Variants in SORD observed in about 807,000 individuals in gnomAD.
The protein encoded by SORD is sorbitol dehydrogenase.
In SORD, 18 loss-of-function variants were observed where a neutral mutation model predicts 35.6. That is an observed-to-expected ratio of 0.51 (90% CI 0.35 to 0.75). The LOEUF is 0.75. SORD is among the 30% of genes least tolerant of loss of function. The pLI, the probability that SORD is intolerant of heterozygous loss-of-function variation, is 0.01. For missense variants in SORD, 250 were observed against 390.2 expected (o/e 0.64, Z 3.03); for synonymous variants, 106 against 152.9 (o/e 0.69, Z 2.26).
intron 4 of SORD, among the ~76,000 whole-genome samples, chr15:45,064,235 G>A (rs77475259): frequency 0.021 from 3,231 of 152,116 alleles, 60 homozygotes; most frequent in African/African-American, 0.053. Context: ...GAGCTGATAT[G>A]GGACAGGCAG....
intron 8 of SORD, among the ~76,000 whole-genome samples, chr15:45,073,040 C>T (rs1418064558): frequency 1.5e-5 from 2 of 134,208 alleles, no homozygotes; most frequent in African/African-American, 3.8e-5. Context: ...TGGATTGTCC[C>T]GGGCTGCCTC....
chr15:45,029,138 G>A (rs78290886), intron 1 of SORD, among the ~76,000 whole-genome samples: 31,200 of 150,774 alleles, frequency 0.21, no homozygotes, highest in African/African-American at 0.44. Context: ...GCAGTAAGTA[G>A]CCCAAAGAAC....
chr15:45,059,391 A>G (rs774997385), intron 3 of SORD, among the ~76,000 whole-genome samples: 14 of 152,158 alleles, frequency 9.2e-5, no homozygotes, highest in Non-Finnish European at 1.8e-4. Flanking sequence ...AAAACCAGCA[A>G]TGAGAAAACT....
chr15:45,061,240 G>A lies in SORD; in HGVS notation c.425+14G>A, dbSNP rs1893300921. ...CTTTTGTTACAAGTTAGTGTCCACA[G>A]TCCCACTGGGTCACCTGGGACCTCT... On this transcript the variant is annotated intron_variant, in intron 4 of 8. Transcript: ENST00000267814. 2 of 1,613,590 alleles carry A rather than the reference G, an allele frequency of 1.2e-6. No individual in the cohort carries two copies. Among genetic ancestry groups the A allele is most frequent in the Non-Finnish European group, 8.5e-7 (1 of 1,179,666 alleles).
At chr15:45,040,591 A>T (rs36087922) in intron 2 of SORD, 150 bp downstream of exon 2, 23 of 660,102 alleles carry the variant, frequency 3.5e-5, no homozygotes, top group Non-Finnish European at 6.3e-5. Context: ...CTGAGAACAG[A>T]GTCTACTGCC....
intron 3 of SORD, among the ~76,000 whole-genome samples, chr15:45,049,128 C>G (rs1378449028): frequency 6.6e-6 from 1 of 152,206 alleles, no homozygotes; most frequent in Admixed American, 6.5e-5. Flanking sequence ...TTTGGCCTTG[C>G]TTCCTTATCT....
At position 45,071,598 on chromosome 15, in the gene SORD, C is replaced by G. The variant is rs532305307; in HGVS notation, c.787-719C>G. On this transcript the variant is annotated intron_variant, in intron 7 of 8. Coordinates refer to ENST00000267814, the MANE Select transcript of SORD (RefSeq NM_003104.6). ...AATCAGCATGATTGAATTATCCATT[C>G]TTCTGTCTCTCACCGCACTGAGCAC... is the stretch of plus-strand genomic sequence containing the variant. Among the ~76,000 whole-genome samples, 279 of 152,084 alleles carry G rather than the reference C, an allele frequency of 1.8e-3. 1 individual carries two copies. The highest frequency in any genetic ancestry group is 4.0e-3 in the African/African-American group (167 of 41,432).
At chr15:45,070,090 C>T (rs1165770319) in intron 7 of SORD, 1 of 152,120 alleles carries the variant, frequency 6.6e-6, no homozygotes, top group African/African-American at 2.4e-5. Flanking sequence ...GCCCTGAAAA[C>T]CAGTTACCAT....
At chr15:45,027,761 A>G (rs2600895) in intron 1 of SORD, among the ~76,000 whole-genome samples, 30,432 of 150,326 alleles carry the variant, frequency 0.2, 11 homozygotes, top group African/African-American at 0.43. Context: ...AAGTTAGAAT[A>G]TAAAATAGTC....
intron 3 of SORD, among the ~76,000 whole-genome samples, chr15:45,048,675 A>G (rs1488108788): frequency 2.6e-5 from 4 of 152,228 alleles, no homozygotes; most frequent in Admixed American, 6.5e-5. Context: ...GGTGTTATCC[A>G]GAGTTCTTTG....
intron 1 of SORD, among the ~76,000 whole-genome samples, chr15:45,035,968 C>T (rs1346024722): frequency 6.7e-6 from 1 of 148,224 alleles, no homozygotes; most frequent in South Asian, 2.1e-4. Context: ...GTAACACTCA[C>T]GGCGAAGGTC....
intron 5 of SORD, among the ~76,000 whole-genome samples, chr15:45,067,268 G>A (rs753389570): frequency 2.2e-4 from 34 of 152,150 alleles, no homozygotes; most frequent in Admixed American, 5.2e-4. Flanking sequence ...AGGCTGAGGT[G>A]AGAGAATTGC....
chr15:45,071,291 G>C (rs1306156157), intron 7 of SORD, among the ~76,000 whole-genome samples: 1 of 152,204 alleles, frequency 6.6e-6, no homozygotes, highest in Non-Finnish European at 1.5e-5. Flanking sequence ...TGATGAGGAA[G>C]TAGTTTCCCT....
intron 1 of SORD, among the ~76,000 whole-genome samples, chr15:45,036,832 G>T (rs1280847186): frequency 2.0e-5 from 3 of 152,186 alleles, no homozygotes; most frequent in Admixed American, 6.5e-5. Context: ...GAAAGTTCAG[G>T]ATCTCAGAGA....
At chr15:45,068,061 C>A in intron 5 of SORD, 120 bp from the exon 6 acceptor site, 2 of 762,592 alleles carry the variant, frequency 2.6e-6, no homozygotes, top group Non-Finnish European at 4.8e-6. Flanking sequence ...CTTATCATGC[C>A]AGGCACTGGG....
At chr15:45,052,516 G>T (rs1893141361) in intron 3 of SORD, among the ~76,000 whole-genome samples, 1 of 152,156 alleles carries the variant, frequency 6.6e-6, no homozygotes, top group Non-Finnish European at 1.5e-5. Flanking sequence ...CATTTCACTA[G>T]GTGGCATGGT....
At chr15:45,069,410 C>A (rs1229517638) in intron 7 of SORD, among the ~76,000 whole-genome samples, 1 of 151,780 alleles carries the variant, frequency 6.6e-6, no homozygotes, top group Non-Finnish European at 1.5e-5. Context: ...TGGGGTTTCA[C>A]CGTGTTAGCC....
intron 2 of SORD, chr15:45,042,318 C>A (rs1892979842): frequency 6.6e-6 from 1 of 152,000 alleles, no homozygotes; most frequent in African/African-American, 2.4e-5. Flanking sequence ...ATGGTGAAAC[C>A]CCGTCTCTAC....
intron 3 of SORD, among the ~76,000 whole-genome samples, chr15:45,052,727 G>A (rs1893145294): frequency 6.6e-6 from 1 of 152,082 alleles, no homozygotes; most frequent in African/African-American, 2.4e-5. Context: ...AGAGACTGCT[G>A]AGCCCCTGTC....
Sources: gnomAD v4.1 joint callset for allele counts (sites outside exome capture counted in the v4.1 genomes callset) on GRCh38, gnomAD v4.1.1 for gene constraint, MANE v1.5 for transcripts, NCBI Gene and HGNC (gene_info 2026-07-23, HGNC 2026-07-21) for gene names.